Variants in ANKRD42 observed in about 807,000 individuals in gnomAD.
ANKRD42 encodes the protein ankyrin repeat domain 42.
A neutral mutation model predicts 51.5 loss-of-function variants in ANKRD42; 43 were observed. The observed-to-expected ratio is 0.83, with a 90% confidence interval of 0.65 to 1.08. The LOEUF (loss-of-function observed/expected upper bound fraction) is 1.08. Among genes scored for constraint, ANKRD42 ranks in the 50% least tolerant of loss-of-function variants. ANKRD42 has a pLI of 0.00. For synonymous variants in ANKRD42, 203 were observed against 213.0 expected (o/e 0.95, Z 0.41); for missense variants, 608 against 629.3 (o/e 0.97, Z 0.36).
chr11:83,263,482 T>G (rs936491630), downstream of ANKRD42, among the ~76,000 whole-genome samples: 2 of 152,210 alleles, frequency 1.3e-5, no homozygotes, highest in African/African-American at 4.8e-5. Context: ...GTAAAATGCT[T>G]AGGTGAGCAT....
downstream of ANKRD42, among the ~76,000 whole-genome samples, chr11:83,263,312 C>T (rs955459267): frequency 6.6e-6 from 1 of 152,170 alleles, no homozygotes; most frequent in Non-Finnish European, 1.5e-5. Context: ...ACAATCGTTA[C>T]TGCATTTAAG....
At chr11:83,236,357 T>A (rs1266517734) in intron 7 of ANKRD42, 47 bp from the exon 8 acceptor site, 1 of 1,512,490 alleles carries the variant, frequency 6.6e-7, no homozygotes. Flanking sequence ...TACTAATAAC[T>A]AACTTTTTTG....
intron 8 of ANKRD42, among the ~76,000 whole-genome samples, chr11:83,238,914 CAGG>C (rs1012900046): frequency 2.0e-5 from 3 of 151,612 alleles, no homozygotes; most frequent in African/African-American, 7.3e-5. Context: ...GAGGCTGAGG[CAGG>C]AGAATTGCTT....
intron 2 of ANKRD42, 98 bp downstream of exon 2, chr11:83,198,740 A>C: frequency 8.9e-7 from 1 of 1,120,608 alleles, no homozygotes. Flanking sequence ...TAGGTACTGC[A>C]TATATTTTCT....
Position 83,227,754 on chromosome 11 carries a change from A to G in ANKRD42, c.795A>G (p.Ala265=). The G allele has an allele frequency of 6.2e-7, 1 of 1,608,396 alleles. No individual in the cohort carries two copies. Among genetic ancestry groups the G allele is most frequent in the South Asian group, 1.1e-5 (1 of 89,626 alleles). ...GAATTTTTTTATTCATAGCTTTAGC[A>G]TTTCCAGGTCATGTGGCTGCCTTTA... is the stretch of plus-strand genomic sequence containing the variant. ...GKDLEDQETL[A]FPGHVAAFKG... is the part of the protein sequence containing the mutation. The change falls in exon 7 of 11, where the codon GCA becomes GCG. Residue 265 remains alanine (A), a synonymous_variant. Coordinates refer to ENST00000533342, the MANE Select transcript of ANKRD42 (RefSeq NM_001300975.2).
intron 8 of ANKRD42, among the ~76,000 whole-genome samples, chr11:83,239,779 G>C (rs1190332100): frequency 6.6e-6 from 1 of 152,036 alleles, no homozygotes; most frequent in African/African-American, 2.4e-5. Flanking sequence ...GAATACTATG[G>C]GTATATCTGA....
intron 9 of ANKRD42, among the ~76,000 whole-genome samples, chr11:83,241,484 C>T (rs186724929): frequency 1.6e-3 from 246 of 152,046 alleles, no homozygotes; most frequent in Admixed American, 8.9e-3. Flanking sequence ...TGAGCAGAGA[C>T]CTGAGTGATG....
At chr11:83,241,364 C>A (rs1343719381) in intron 9 of ANKRD42, among the ~76,000 whole-genome samples, 1 of 152,020 alleles carries the variant, frequency 6.6e-6, no homozygotes, top group Non-Finnish European at 1.5e-5. Flanking sequence ...TGGTGGTAGT[C>A]AGGAGGGAGG....
chr11:83,242,640 A>G (rs1013603944), intron 9 of ANKRD42, among the ~76,000 whole-genome samples: 35 of 142,716 alleles, frequency 2.5e-4, no homozygotes, highest in Non-Finnish European at 4.8e-4. Flanking sequence ...ATCTTGGCTC[A>G]CTGCAACCTC....
chr11:83,255,181 G>T (rs1418296801), intron 11 of ANKRD42, among the ~76,000 whole-genome samples: 1 of 152,222 alleles, frequency 6.6e-6, no homozygotes, highest in Non-Finnish European at 1.5e-5. Context: ...TAGATGCAGA[G>T]CATGTTTGAT....
In ANKRD42 at chr11:83,247,947, A is replaced by T; in HGVS notation, c.1327A>T (p.Ile443Phe). 2.5e-6 allele frequency: 4 copies of T among 1,602,374 alleles called. No homozygotes were observed. The highest frequency in any genetic ancestry group is 3.4e-6 in the Non-Finnish European group (4 of 1,176,384). The change falls in exon 11 of 11, where the codon ATC becomes TTC. Residue 443 changes from isoleucine to phenylalanine, a missense_variant. Physicochemically the swap from Ile to Phe is conservative, Grantham distance 21. Transcript: ENST00000533342. ...KKEQLESEKT[I>F]KELQGQLEYE... is the part of the protein sequence containing the mutation. The stretch of plus-strand genomic sequence containing the variant: ...AAAAAATTTTGTTTTTGATAGGACC[A>T]TCAAAGAACTGCAGGGCCAGCTGGA...
At chr11:83,249,902 A>G (rs1863644238), downstream of ANKRD42, among the ~76,000 whole-genome samples, 1 of 152,216 alleles carries the variant, frequency 6.6e-6, no homozygotes, top group Admixed American at 6.5e-5. Context: ...TAAATGGAAT[A>G]TTGTGTAGAA....
chr11:83,220,297 G>A (rs1862678927), intron 5 of ANKRD42, among the ~76,000 whole-genome samples: 1 of 152,206 alleles, frequency 6.6e-6, no homozygotes, highest in Non-Finnish European at 1.5e-5. Context: ...TCTTTAGTCT[G>A]GCGGCTGTGC....
intron 3 of ANKRD42, chr11:83,209,539 C>T (rs549781600): frequency 9.8e-6 from 10 of 1,015,394 alleles, no homozygotes; most frequent in African/African-American, 3.2e-5. Context: ...GGAATCTTGG[C>T]GTTCAGCAGA....
At chr11:83,202,988 ATTT>A (rs750379636) in intron 2 of ANKRD42, among the ~76,000 whole-genome samples, 2 of 118,942 alleles carry the variant, frequency 1.7e-5, no homozygotes. Flanking sequence ...TGTTGGTTGG[ATTT>A]TTTTTTTTTT....
At chr11:83,196,775 A>C (rs992557056) in intron 1 of ANKRD42, among the ~76,000 whole-genome samples, 2 of 152,232 alleles carry the variant, frequency 1.3e-5, no homozygotes, top group African/African-American at 4.8e-5. Flanking sequence ...ATGAGTGAAT[A>C]AATCGGGATG....
intron 5 of ANKRD42, chr11:83,213,924 T>C (rs1295187403): frequency 6.5e-6 from 1 of 153,502 alleles, no homozygotes; most frequent in African/African-American, 2.4e-5. Flanking sequence ...AGAGTCTTGC[T>C]CTGTCGCACA....
At chr11:83,239,004 C>CAAAA (rs58315284) in intron 8 of ANKRD42, among the ~76,000 whole-genome samples, 1 of 149,080 alleles carries the variant, frequency 6.7e-6, no homozygotes. Context: ...GCTAGACCCT[C>CAAAA]AAAAAAAAAA....
At chr11:83,212,914 TAA>T in intron 5 of ANKRD42, 1 of 1,463,908 alleles carries the variant, frequency 6.8e-7, no homozygotes, top group Non-Finnish European at 9.0e-7. Context: ...TTTTTTTTTT[TAA>T]AGTAAAATTT....
Sources: allele counts gnomAD v4.1 joint callset (sites outside exome capture counted in the v4.1 genomes callset), GRCh38; gene constraint gnomAD v4.1.1; transcripts MANE v1.5; gene names NCBI Gene and HGNC (gene_info 2026-07-23, HGNC 2026-07-21).